Variants in PEX5L observed in about 807,000 individuals in gnomAD.
PEX5L encodes the protein peroxisomal biogenesis factor 5 like.
Under a neutral mutation model 84.0 loss-of-function variants are expected in PEX5L, and 30 were observed. The observed-to-expected ratio is 0.36, with a 90% CI of 0.27 to 0.48. The LOEUF is 0.48. Ranked by LOEUF, PEX5L falls within the 20% of genes least tolerant of loss-of-function variation. PEX5L has a pLI of 0.99. For synonymous variants in PEX5L, 270 were observed against 283.1 expected (o/e 0.95, Z 0.46); for missense variants, 533 against 754.6 (o/e 0.71, Z 3.44).
intron 1 of PEX5L, among the ~76,000 whole-genome samples, chr3:179,981,804 T>C (rs1786356264): frequency 1.3e-5 from 1 of 79,664 alleles, no homozygotes; most frequent in Non-Finnish European, 2.2e-5. Flanking sequence ...TCATGCTATT[T>C]GAAAAAAAAA....
chr3:179,905,521 A>G (rs1013375300), intron 2 of PEX5L, among the ~76,000 whole-genome samples: 3 of 151,950 alleles, frequency 2.0e-5, no homozygotes, highest in Non-Finnish European at 4.4e-5. Context: ...GACCTCCCAA[A>G]GTGCTGGGAT....
intron 2 of PEX5L, among the ~76,000 whole-genome samples, chr3:179,926,250 C>T (rs1035851421): frequency 1.3e-5 from 2 of 152,116 alleles, no homozygotes; most frequent in East Asian, 1.9e-4. Flanking sequence ...TTCCATCTGA[C>T]CCCACAGTGC....
chr3:179,994,965 G>C (rs1420505958), intron 1 of PEX5L, among the ~76,000 whole-genome samples: 1 of 151,464 alleles, frequency 6.6e-6, no homozygotes, highest in Non-Finnish European at 1.5e-5. Flanking sequence ...GAAACCTTTT[G>C]ATTGTGTGAG....
Position 180,012,739 on chromosome 3 carries a change from G to A in PEX5L, c.21+23840C>T, listed in dbSNP as rs1202578570. Among the ~76,000 whole-genome samples, 5 of 151,846 alleles carry A rather than the reference G, an allele frequency of 3.3e-5. No individual in the cohort carries two copies. In the South Asian group the frequency reaches 1.0e-3, roughly 32 times the overall value. Reference sequence around the variant, plus strand: ...TAAATTCCAGTATATGAAATATATAGCATACTTTTGAAGAATAAGTTAAAT... The same window carrying A: ...TAAATTCCAGTATATGAAATATATAACATACTTTTGAAGAATAAGTTAAAT... On this transcript the variant is annotated intron_variant, in intron 1 of 14. Coordinates refer to ENST00000467460, the MANE Select transcript of PEX5L (RefSeq NM_016559.3).
chr3:179,965,059 C>A (rs1311160296), intron 2 of PEX5L, among the ~76,000 whole-genome samples: 1 of 152,240 alleles, frequency 6.6e-6, no homozygotes, highest in Admixed American at 6.5e-5. Context: ...AAGAGTGATA[C>A]ACACACATTC....
intron 7 of PEX5L, among the ~76,000 whole-genome samples, chr3:179,863,743 G>A (rs1160039673): frequency 6.6e-6 from 1 of 152,112 alleles, no homozygotes; most frequent in Non-Finnish European, 1.5e-5. Context: ...ATACAAATTA[G>A]TGTAACCATT....
At chr3:179,905,168 T>G (rs968005648) in intron 2 of PEX5L, among the ~76,000 whole-genome samples, 1 of 152,170 alleles carries the variant, frequency 6.6e-6, no homozygotes, top group African/African-American at 2.4e-5. Context: ...GTAATATCCA[T>G]GCTTACTCTA....
intron 2 of PEX5L, among the ~76,000 whole-genome samples, chr3:179,934,671 A>C (rs1331334736): frequency 6.6e-6 from 1 of 152,202 alleles, no homozygotes; most frequent in Non-Finnish European, 1.5e-5. Context: ...CTAACCAGAA[A>C]ATATTATTAT....
intron 4 of PEX5L, among the ~76,000 whole-genome samples, chr3:179,884,435 T>C (rs920068710): frequency 5.3e-5 from 8 of 152,154 alleles, no homozygotes; most frequent in Non-Finnish European, 1.0e-4. Context: ...AGCCACCAAA[T>C]TGTAGGTGCC....
At chr3:179,950,590 T>C (rs888647229) in intron 2 of PEX5L, among the ~76,000 whole-genome samples, 1 of 152,196 alleles carries the variant, frequency 6.6e-6, no homozygotes, top group Non-Finnish European at 1.5e-5. Context: ...ATAGCATCTA[T>C]TGAGGGCCCA....
At chr3:180,024,373 T>TATATATATACAC (rs1396023654) in intron 1 of PEX5L, among the ~76,000 whole-genome samples, 3 of 78,988 alleles carry the variant, frequency 3.8e-5, no homozygotes, top group Admixed American at 2.1e-4. Flanking sequence ...TATATATATA[T>TATATATATACAC]ACACACACAA....
At chr3:179,858,296 T>C (rs1243793269) in intron 8 of PEX5L, among the ~76,000 whole-genome samples, 1 of 152,158 alleles carries the variant, frequency 6.6e-6, no homozygotes, top group African/African-American at 2.4e-5. Context: ...TAGCAAAGCT[T>C]TGATGAGTAG....
intron 1 of PEX5L, 139 bp from the exon 2 acceptor site, chr3:179,971,804 T>A: frequency 2.4e-6 from 2 of 819,834 alleles, no homozygotes; most frequent in Non-Finnish European, 3.5e-6. Flanking sequence ...ATTGCTCATG[T>A]ACAACAGCAA....
Position 179,973,847 on chromosome 3 carries a change from T to C in PEX5L, c.22-2182A>G, listed in dbSNP as rs555331499. 7.1e-6 allele frequency: 7 copies of C among 985,370 alleles called. No individual in the cohort carries two copies. In the African/African-American group the frequency reaches 1.0e-4, roughly 15 times the overall value. The allele number at this position is 985,370 out of a possible 1,614,324, so 61.0% of individuals were successfully genotyped here. On this transcript the variant is annotated intron_variant, in intron 1 of 14. Coordinates refer to ENST00000467460, the MANE Select transcript of PEX5L (RefSeq NM_016559.3). Reference sequence around the variant, plus strand: ...TTTTCCAAGAGTGGGAGGAGGCATTTAGAGCTCTGGTTTTGTACTTAAACC... The same window carrying C: ...TTTTCCAAGAGTGGGAGGAGGCATTCAGAGCTCTGGTTTTGTACTTAAACC...
At chr3:179,923,519 C>A (rs1235216377) in intron 2 of PEX5L, among the ~76,000 whole-genome samples, 2 of 152,134 alleles carry the variant, frequency 1.3e-5, no homozygotes, top group African/African-American at 4.8e-5. Context: ...AGCCCACTCT[C>A]AAACAATTAA....
At chr3:179,809,434 G>A (rs200828147) in intron 12 of PEX5L, 37 bp downstream of exon 12, 138 of 1,466,356 alleles carry the variant, frequency 9.4e-5, no homozygotes, top group Non-Finnish European at 1.3e-4. Flanking sequence ...GTATATATGG[G>A]TGTTTACTGC....
intron 1 of PEX5L, among the ~76,000 whole-genome samples, chr3:180,033,070 G>A (rs923277025): frequency 3.3e-5 from 5 of 152,208 alleles, no homozygotes; most frequent in African/African-American, 7.2e-5. Context: ...CACCAGGGGC[G>A]AGATCTAATG....
intron 1 of PEX5L, among the ~76,000 whole-genome samples, chr3:180,020,733 A>G (rs754153478): frequency 6.6e-6 from 1 of 152,184 alleles, no homozygotes; most frequent in Non-Finnish European, 1.5e-5. Context: ...TTACTCAAGA[A>G]TAATTGATTT....
chr3:179,924,461 C>T (rs1019592719), intron 2 of PEX5L, among the ~76,000 whole-genome samples: 6 of 152,152 alleles, frequency 3.9e-5, no homozygotes, highest in Non-Finnish European at 5.9e-5. Context: ...TAAACCTAAA[C>T]GCAAAGCTGA....
Sources: allele counts gnomAD v4.1 joint callset (sites outside exome capture counted in the v4.1 genomes callset), GRCh38; gene constraint gnomAD v4.1.1; transcripts MANE v1.5; gene names NCBI Gene and HGNC (gene_info 2026-07-23, HGNC 2026-07-21).